Variants in ARHGEF26 observed in about 807,000 individuals in gnomAD.
The protein encoded by ARHGEF26 is Rho guanine nucleotide exchange factor 26.
Under a neutral mutation model 89.4 loss-of-function variants are expected in ARHGEF26, and 59 were observed. That is an observed-to-expected ratio of 0.66 (90% CI 0.54 to 0.82). The LOEUF is 0.82. Ranked by LOEUF, ARHGEF26 falls within the 40% of genes least tolerant of loss-of-function variation. ARHGEF26 has a pLI of 0.00. For missense variants in ARHGEF26, 1,234 were observed against 1,085.6 expected (o/e 1.14, Z -1.92); for synonymous variants, 500 against 428.4 (o/e 1.17, Z -2.06).
chr3:154,228,245 C>T (rs1421212468), intron 11 of ARHGEF26, among the ~76,000 whole-genome samples: 2 of 150,546 alleles, frequency 1.3e-5, no homozygotes, highest in Admixed American at 6.6e-5. Context: ...TCAAGTGATT[C>T]TCCTGCCTCA....
In ARHGEF26 at chr3:154,172,558, G is replaced by A. The variant is rs555349997; in HGVS notation, c.1488-15127G>A. Among the ~76,000 whole-genome samples, 47 of 152,282 alleles carry A rather than the reference G, an allele frequency of 3.1e-4. 1 individual carries two copies. The highest frequency in any genetic ancestry group is 1.1e-3 in the African/African-American group (46 of 41,560). ...AAAATAAAAAAGTTAGCTGGGCGTG[G>A]TGGTGTGTGCCTGTAGTCCCAGCTA... On this transcript the variant is annotated intron_variant, in intron 6 of 14. Coordinates refer to ENST00000465093, the MANE Select transcript of ARHGEF26 (RefSeq NM_015595.4).
chr3:154,254,778 C>T lies in ARHGEF26; in HGVS notation c.2427C>T (p.Ser809=). 2 of 1,613,850 alleles carry T rather than the reference C, an allele frequency of 1.2e-6. No homozygotes were observed. Among genetic ancestry groups the T allele is most frequent in the Non-Finnish European group, 1.7e-6 (2 of 1,179,828 alleles). ...CTGCTAAGCAGCCAGATGAACTCTCCCTGCAGGTGGCTGACGTCGTCCTCA... is the reference window on the plus strand; with the variant it reads ...CTGCTAAGCAGCCAGATGAACTCTCTCTGCAGGTGGCTGACGTCGTCCTCA... ...SFTAKQPDEL[S]LQVADVVLIY... is the part of the protein sequence containing the mutation. Residue 809 remains serine, a synonymous_variant, in exon 14 of 15, where the codon TCC becomes TCT. Transcript: ENST00000465093.
chr3:154,255,344 G>GGAAC lies in ARHGEF26; in HGVS notation c.2490_2493dup (p.Leu832ThrfsTer25), dbSNP rs1559932451. The GGAAC allele has an allele frequency of 6.2e-7, 1 of 1,613,066 alleles. No homozygotes were observed. Among genetic ancestry groups the GGAAC allele is most frequent in the South Asian group, 1.1e-5 (1 of 91,016 alleles). On this transcript the variant is annotated frameshift_variant, in exon 15 of 15. Coordinates refer to ENST00000465093, the MANE Select transcript of ARHGEF26 (RefSeq NM_015595.4). LOFTEE classifies it high-confidence loss of function. Reference sequence around the variant, plus strand: ...TCTTTTTCACAGGCTGGTATGAGGGGGAACGACTACGAGATGGAGAAAGAG... The same window carrying GGAAC: ...TCTTTTTCACAGGCTGGTATGAGGGGGAACGAACGACTACGAGATGGAGAAAGAG...
At chr3:154,214,732 C>G (rs575331368) in intron 9 of ARHGEF26, among the ~76,000 whole-genome samples, 84 of 152,232 alleles carry the variant, frequency 5.5e-4, no homozygotes, top group South Asian at 1.5e-3. Flanking sequence ...AAAAATGTCC[C>G]AAGCAGCAGG....
chr3:154,136,643 A>T (rs1295850213), intron 4 of ARHGEF26, among the ~76,000 whole-genome samples: 1 of 152,226 alleles, frequency 6.6e-6, no homozygotes, highest in African/African-American at 2.4e-5. Context: ...ATCAGAGCTC[A>T]ACAAATGTAA....
At chr3:154,215,147 C>CT (rs1715640379) in intron 9 of ARHGEF26, among the ~76,000 whole-genome samples, 1 of 152,184 alleles carries the variant, frequency 6.6e-6, no homozygotes, top group Non-Finnish European at 1.5e-5. Flanking sequence ...CGTGGCCTAT[C>CT]TCTTTTGGCT....
chr3:154,194,809 G>T (rs1714188328), intron 9 of ARHGEF26, 91 bp downstream of exon 9: 1 of 1,104,898 alleles, frequency 9.1e-7, no homozygotes, highest in Non-Finnish European at 1.3e-6. Flanking sequence ...CTGAAAACTG[G>T]TAGAGTCTCA....
chr3:154,172,353 C>G (rs557066991), intron 6 of ARHGEF26, among the ~76,000 whole-genome samples: 51 of 152,286 alleles, frequency 3.3e-4, no homozygotes, highest in African/African-American at 1.2e-3. Context: ...CATTTGTTTT[C>G]AGAATGTGGA....
chr3:154,157,330 AC>A (rs1559867568), intron 6 of ARHGEF26, among the ~76,000 whole-genome samples: 1 of 151,932 alleles, frequency 6.6e-6, no homozygotes, highest in Non-Finnish European at 1.5e-5. Context: ...GTTTTAGGGC[AC>A]TTTCCTTGAA....
chr3:154,122,407 C>T lies in ARHGEF26; in HGVS notation c.415C>T (p.Pro139Ser). ...TGGCGCGGTGACCTTGCCTGCGCCG[C>T]CGCCGCCGCCGGTTCTGCGCCCCCC... ...ANGAVTLPAP[P>S]PPPVLRPPRT... is the part of the protein sequence containing the mutation. Residue 139 changes from proline to serine, a missense_variant, in exon 2 of 15, where the codon CCG (proline) becomes TCG (serine). Coordinates refer to ENST00000465093, the MANE Select transcript of ARHGEF26 (RefSeq NM_015595.4). The T allele has an allele frequency of 6.2e-7, 1 of 1,609,036 alleles. No homozygotes were observed. Among genetic ancestry groups the T allele is most frequent in the Non-Finnish European group, 8.5e-7 (1 of 1,178,424 alleles).
rs757436159 is a variant in ARHGEF26 at position 154,187,764 on chromosome 3, G to A, written c.1567G>A (p.Ala523Thr). 7.4e-6 allele frequency: 12 copies of A among 1,611,692 alleles called. No individual in the cohort carries two copies. In the South Asian group the frequency reaches 1.3e-4, roughly 18 times the overall value. Residue 523 changes from alanine (A) to threonine (T), a missense_variant, in exon 7 of 15, where the codon GCA (alanine) becomes ACA (threonine). Ala to Thr is a moderately conservative substitution (Grantham distance 58). Coordinates refer to ENST00000465093, the MANE Select transcript of ARHGEF26 (RefSeq NM_015595.4). ...AAGTGACATTGTGGAAAAACACACA[G>A]CATCCACATTTGACCCATATGTGAA... Reference protein sequence around the residue: ...DISDIVEKHTASTFDPYVKYC... With the variant: ...DISDIVEKHTTSTFDPYVKYC...
At chr3:154,221,100 G>C (rs1482580150) in intron 10 of ARHGEF26, among the ~76,000 whole-genome samples, 1 of 151,762 alleles carries the variant, frequency 6.6e-6, no homozygotes, top group Non-Finnish European at 1.5e-5. Flanking sequence ...CTTTCATCTT[G>C]GCCTGTCTTC....
chr3:154,124,939 A>G (rs1718237658), intron 3 of ARHGEF26, among the ~76,000 whole-genome samples: 1 of 151,094 alleles, frequency 6.6e-6, no homozygotes, highest in African/African-American at 2.4e-5. Context: ...ACATATTCTT[A>G]AGACTTTTCA....
Position 154,255,440 on chromosome 3 carries a change from G to A in ARHGEF26, c.2583G>A (p.Met861Ile), listed in dbSNP as rs759668319. The A allele has an allele frequency of 6.2e-7, 1 of 1,613,824 alleles. No individual in the cohort carries two copies. Among genetic ancestry groups the A allele is most frequent in the Non-Finnish European group, 8.5e-7 (1 of 1,179,814 alleles). ...CAATTGATAAGAATGTGGAGAGAAT[G>A]GGACGCTTGCTAGGACTGGAGACCA... The part of the protein sequence containing the change: ...QATIDKNVER[M>I]GRLLGLETNV The change falls in exon 15 of 15, where the codon ATG (methionine) becomes ATA (isoleucine). Residue 861 changes from methionine (M) to isoleucine (I), a missense_variant. Coordinates refer to ENST00000465093, the MANE Select transcript of ARHGEF26 (RefSeq NM_015595.4).
At chr3:154,129,365 C>G (rs1053116302) in intron 3 of ARHGEF26, among the ~76,000 whole-genome samples, 4 of 152,166 alleles carry the variant, frequency 2.6e-5, no homozygotes, top group African/African-American at 7.2e-5. Flanking sequence ...TCTGTATGGG[C>G]TGGTCCCCTT....
chr3:154,140,087 G>GCC (rs1272649362), intron 4 of ARHGEF26, among the ~76,000 whole-genome samples: 2 of 112,918 alleles, frequency 1.8e-5, no homozygotes, highest in Non-Finnish European at 3.5e-5. Context: ...GCAACAGGGA[G>GCC]CCCTTATATC....
At position 154,123,358 on chromosome 3, in the gene ARHGEF26, C is replaced by T. The variant is rs183594636; in HGVS notation, c.1083+283C>T. Among the ~76,000 whole-genome samples, 5 of 152,214 alleles carry T rather than the reference C, an allele frequency of 3.3e-5. No homozygotes were observed. In the South Asian group the frequency reaches 6.2e-4, roughly 19 times the overall value. ...AGAGTGAAATATGGCAGATTATTGGCTGAGTGAGTCTTTACCACTTTTAAA... is the reference window on the plus strand; with the variant it reads ...AGAGTGAAATATGGCAGATTATTGGTTGAGTGAGTCTTTACCACTTTTAAA... On this transcript the variant is annotated intron_variant, in intron 2 of 14. Transcript: ENST00000465093.
intron 6 of ARHGEF26, among the ~76,000 whole-genome samples, chr3:154,186,905 T>TG (rs1263468752): frequency 9.1e-6 from 1 of 110,478 alleles, no homozygotes; most frequent in Non-Finnish European, 1.8e-5. Flanking sequence ...TTTTTTTTTT[T>TG]TTTTTTTTTG....
At chr3:154,130,773 A>G (rs1718637973) in intron 4 of ARHGEF26, among the ~76,000 whole-genome samples, 1 of 152,214 alleles carries the variant, frequency 6.6e-6, no homozygotes, top group African/African-American at 2.4e-5. Context: ...AAAACAAGCC[A>G]GTACACCTCC....
Sources: allele counts gnomAD v4.1 joint callset (sites outside exome capture counted in the v4.1 genomes callset), GRCh38; gene constraint gnomAD v4.1.1; transcripts MANE v1.5; gene names NCBI Gene and HGNC (gene_info 2026-07-23, HGNC 2026-07-21).